The following HPS5 variants were observed in gnomAD, a reference collection of about 807,000 sequenced individuals.
The protein encoded by HPS5 is HPS5 biogenesis of lysosomal organelles complex 2 subunit 2.
HPS5 carries 83 observed loss-of-function variants against 128.0 expected under a neutral mutation model. The ratio of observed to expected loss-of-function variants is 0.65; its 90% CI spans 0.54 to 0.78. The LOEUF (loss-of-function observed/expected upper bound fraction) is 0.78. HPS5 is among the 30% of genes least tolerant of loss of function. HPS5 has a pLI of 0.00. For missense variants in HPS5, 1,281 were observed against 1,326.2 expected (o/e 0.97, Z 0.53); for synonymous variants, 475 against 470.2 (o/e 1.01, Z -0.13).
chr11:18,301,047 G>T, intron 8 of HPS5, 131 bp from the exon 9 acceptor site: 2 of 689,452 alleles, frequency 2.9e-6, no homozygotes, highest in Non-Finnish European at 5.3e-6. Flanking sequence ...GAGTGATCCA[G>T]CTAATCGAGT....
chr11:18,317,738 T>C lies in HPS5; in HGVS notation c.108+13A>G. 1 of 1,611,976 alleles carries C rather than the reference T, an allele frequency of 6.2e-7. No individual in the cohort carries two copies. The highest frequency in any genetic ancestry group is 8.5e-7 in the Non-Finnish European group (1 of 1,178,926). Reference sequence around the variant, plus strand: ...CGTGAAAATGAAACTGATACAAGGATCAAGAAATTCACCTTTAGACGACTG... The same window carrying C: ...CGTGAAAATGAAACTGATACAAGGACCAAGAAATTCACCTTTAGACGACTG... On this transcript the variant is annotated intron_variant, in intron 2 of 22. Coordinates refer to ENST00000349215, the MANE Select transcript of HPS5 (RefSeq NM_181507.2).
At chr11:18,319,217 AAGTC>A (rs1226100195) in intron 1 of HPS5, among the ~76,000 whole-genome samples, 2 of 151,442 alleles carry the variant, frequency 1.3e-5, no homozygotes, top group African/African-American at 4.9e-5. Flanking sequence ...ATAATTCCAG[AAGTC>A]AGTCAGTTTA....
rs553588986 is a variant in HPS5, at chr11:18,297,303, A to T, written c.1323+256T>A. ...CTAAAATCACATATTAGAGCAACGT[A>T]ACTTATGCTGGGAGCTATATGAGTA... On this transcript the variant is annotated intron_variant, in intron 11 of 22. Transcript: ENST00000349215. Among the ~76,000 whole-genome samples the T allele has an allele frequency of 1.1e-4, 16 of 152,342 alleles. No homozygotes were observed. The East Asian group carries it at 2.9e-3, about 28-fold the overall frequency.
chr11:18,306,449 C>T (rs980401595), intron 6 of HPS5, 102 bp from the exon 7 acceptor site: 1 of 721,152 alleles, frequency 1.4e-6, no homozygotes, highest in Non-Finnish European at 2.4e-6. Context: ...ACTCACAATG[C>T]CTTCTCCTTC....
rs752579216 is a variant in HPS5, at chr11:18,297,577, T to G, written c.1305A>C (p.Arg435Ser). 144 of 1,613,798 alleles carry G rather than the reference T, an allele frequency of 8.9e-5. 2 individuals are homozygous for G. Among genetic ancestry groups the G allele is most frequent in the Middle Eastern group, 5.0e-4 (3 of 5,974 alleles). ...TACTTACATGTGATGAAATGGAGCT[T>G]CTTCTACTGCTACAAGCTGAATCCA... ...EPLDSACSSR[R>S]SSISSHESFS... The change falls in exon 11 of 23, where the codon AGA (arginine) becomes AGC (serine). Residue 435 changes from arginine (R) to serine (S), a missense_variant. Physicochemically the swap from Arg to Ser is moderately radical, Grantham distance 110 (BLOSUM62 -1). Transcript: ENST00000349215.
Position 18,310,831 on chromosome 11 carries a change from G to A in HPS5, c.387C>T (p.Leu129=), listed in dbSNP as rs1449839987. ...SEHKGRRVTA[L]CWDTAILRVF... is the part of the protein sequence containing the mutation. ...CTCTAAGAATAGCTGTATCCCAGCA[G>A]AGAGCTGTGACTCTTCGGCCTTTGT... Residue 129 remains leucine (L), a synonymous_variant, in exon 5 of 23, where the codon CTC becomes CTT. Transcript: ENST00000349215. 6.2e-7 allele frequency: 1 copy of A among 1,613,922 alleles called. No individual in the cohort carries two copies. Among genetic ancestry groups the A allele is most frequent in the Admixed American group, 1.7e-5 (1 of 60,020 alleles).
intron 2 of HPS5, among the ~76,000 whole-genome samples, chr11:18,313,221 G>A (rs532488083): frequency 6.6e-6 from 1 of 150,886 alleles, no homozygotes; most frequent in Admixed American, 6.6e-5. Flanking sequence ...ACTTATTGAG[G>A]GAAAAAAAAA....
chr11:18,285,558 T>C, intron 19 of HPS5, 99 bp from the exon 20 acceptor site: 1 of 789,450 alleles, frequency 1.3e-6, no homozygotes, highest in Non-Finnish European at 2.1e-6. Flanking sequence ...AACTGCATTC[T>C]ATTACTACAT....
chr11:18,305,854 C>T (rs1037020142), intron 7 of HPS5, among the ~76,000 whole-genome samples: 1 of 152,012 alleles, frequency 6.6e-6, no homozygotes, highest in Non-Finnish European at 1.5e-5. Flanking sequence ...CTCAGCCTCC[C>T]GAGTAGCTGG....
At chr11:18,291,243 A>T (rs1268138289) in intron 16 of HPS5, among the ~76,000 whole-genome samples, 199 bp downstream of exon 16, 1 of 152,104 alleles carries the variant, frequency 6.6e-6, no homozygotes, top group African/African-American at 2.4e-5. Context: ...TTAAAAACTA[A>T]TTTCTTATAA....
chr11:18,284,471 T>C (rs2134223845), intron 20 of HPS5, among the ~76,000 whole-genome samples: 1 of 152,364 alleles, frequency 6.6e-6, no homozygotes, highest in East Asian at 1.9e-4. Context: ...GCTTCCTAGC[T>C]GGCCTTCTGT....
In HPS5 at chr11:18,305,878, C is replaced by T. The variant is rs73432712; in HGVS notation, c.824+257G>A. Among the ~76,000 whole-genome samples, 20,916 of 152,064 alleles carry T rather than the reference C, an allele frequency of 0.14. 1,538 individuals carry two copies. Among genetic ancestry groups the T allele is most frequent in the African/African-American group, 0.18 (7,638 of 41,480 alleles). ...CCGAGTAGCTGGGACTACAGGCATG[C>T]GCCACCACACCCAGCTAAATTTTGT... On this transcript the variant is annotated intron_variant, in intron 7 of 22. Coordinates refer to ENST00000349215, the MANE Select transcript of HPS5 (RefSeq NM_181507.2).
chr11:18,312,918 G>A (rs554950730), intron 2 of HPS5, among the ~76,000 whole-genome samples: 3 of 152,224 alleles, frequency 2.0e-5, no homozygotes, highest in South Asian at 2.1e-4. Flanking sequence ...TCTTTACCAC[G>A]TAAGCTCCTA....
At chr11:18,306,060 G>C (rs1862323558) in intron 7 of HPS5, 75 bp downstream of exon 7, 3 of 1,069,874 alleles carry the variant, frequency 2.8e-6, no homozygotes, top group East Asian at 4.7e-5. Flanking sequence ...AACACAGATA[G>C]AATATCAGAG....
At chr11:18,313,894 C>CAG (rs1206586105) in intron 2 of HPS5, among the ~76,000 whole-genome samples, 1 of 132,286 alleles carries the variant, frequency 7.6e-6, no homozygotes, top group Non-Finnish European at 1.6e-5. Context: ...AGCCTGGTGA[C>CAG]AGAGCTAGAC....
chr11:18,279,690 A>C lies in HPS5; in HGVS notation c.*192T>G. Reference sequence around the variant, plus strand: ...AATGCTGAGTACAACTTTGGTTAAGAAACACTGAGGTCATGGATAAAGAGT... The same window carrying C: ...AATGCTGAGTACAACTTTGGTTAAGCAACACTGAGGTCATGGATAAAGAGT... On this transcript the variant is annotated 3_prime_UTR_variant, in exon 23 of 23. Transcript: ENST00000349215. 1 of 621,582 alleles carries C rather than the reference A, an allele frequency of 1.6e-6. No individual in the cohort carries two copies. The highest frequency in any genetic ancestry group is 2.9e-6 in the Non-Finnish European group (1 of 347,420). 38.5% of individuals were successfully genotyped at this position (621,582 alleles called of 1,614,324 possible). A position where few individuals can be genotyped will look rare whatever the true frequency, so the allele number is the denominator to read the frequency against.
rs1311058707 is a variant in HPS5 at position 18,291,804 on chromosome 11, C to A, written c.2078G>T (p.Arg693Met). ...AGATTCTTCATTGCCTAAAGAGTCC[C>A]TTTTTTCTTTTTCATTATCTTCATC... ...ILDEDNEKEKRDSLGNEESVD... is the reference protein window; with the variant it reads ...ILDEDNEKEKMDSLGNEESVD... Residue 693 changes from arginine (R) to methionine (M), a missense_variant, in exon 16 of 23, where the codon AGG becomes ATG. Coordinates refer to ENST00000349215, the MANE Select transcript of HPS5 (RefSeq NM_181507.2). The A allele has an allele frequency of 3.2e-5, 51 of 1,613,120 alleles. No individual in the cohort carries two copies. Among genetic ancestry groups the A allele is most frequent in the Non-Finnish European group, 4.2e-5 (49 of 1,179,594 alleles).
At position 18,283,812 on chromosome 11, in the gene HPS5, A is replaced by T. The variant is rs181682094; in HGVS notation, c.3041T>A (p.Leu1014Gln). The T allele has an allele frequency of 3.6e-4, 579 of 1,609,546 alleles. 7 individuals are homozygous for T. The South Asian group carries it at 5.3e-3, about 15-fold the overall frequency. Residue 1014 changes from leucine (L) to glutamine (Q), a missense_variant, in exon 21 of 23, where the codon CTG becomes CAG. Coordinates refer to ENST00000349215, the MANE Select transcript of HPS5 (RefSeq NM_181507.2). ...TNIVYLNDMS[L>Q]MEGDNGWIPE... ...TGACATACCATTGTCCCCTTCCATC[A>T]GGCTCATATCATTCAGATACACAAT...
At chr11:18,280,315 C>T (rs1337736873) in intron 22 of HPS5, among the ~76,000 whole-genome samples, 2 of 152,036 alleles carry the variant, frequency 1.3e-5, no homozygotes, top group Non-Finnish European at 2.9e-5. Context: ...AAATCAAAAC[C>T]ACAATGAGAT....
Sources: gnomAD v4.1 joint callset for allele counts (sites outside exome capture counted in the v4.1 genomes callset) on GRCh38, gnomAD v4.1.1 for gene constraint, MANE v1.5 for transcripts, NCBI Gene and HGNC (gene_info 2026-07-23, HGNC 2026-07-21) for gene names.